PRKCE: variants seen among roughly 807,000 people sequenced by gnomAD.
PRKCE encodes protein kinase C epsilon, also known as protein kinase C epsilon type.
Under a neutral mutation model 85.4 loss-of-function variants are expected in PRKCE, and 16 were observed. The ratio of observed to expected loss-of-function variants is 0.19; its 90% confidence interval spans 0.13 to 0.28. The LOEUF (loss-of-function observed/expected upper bound fraction) is 0.28, where lower values mean the gene tolerates loss of function less well. PRKCE is among the 10% of genes least tolerant of loss of function. PRKCE has a pLI of 1.00. For synonymous variants in PRKCE, 388 were observed against 371.5 expected (o/e 1.04, Z -0.51); for missense variants, 573 against 975.2 (o/e 0.59, Z 5.49).
intron 10 of PRKCE, among the ~76,000 whole-genome samples, chr2:46,056,241 C>CT (rs796683208): frequency 0.16 from 22,595 of 143,956 alleles, 2,936 homozygotes; most frequent in African/African-American, 0.36. Flanking sequence ...GTTCTTGAAC[C>CT]TTTTTTTTTT....
At position 45,943,540 on chromosome 2, in the gene PRKCE, G is replaced by C. The variant is rs116817694; in HGVS notation, c.413-32889G>C. Among the ~76,000 whole-genome samples, 889 of 152,322 alleles carry C rather than the reference G, an allele frequency of 5.8e-3. 1 individual carries two copies. Among genetic ancestry groups the C allele is most frequent in the Non-Finnish European group, 9.7e-3 (659 of 68,020 alleles). On this transcript the variant is annotated intron_variant, in intron 2 of 14. Coordinates refer to ENST00000306156, the MANE Select transcript of PRKCE (RefSeq NM_005400.3). Reference sequence around the variant, plus strand: ...AGATTAACTATTTTTCTCCCACAAAGACTCAAAATGGTTGAGGTTACACAT... The same window carrying C: ...AGATTAACTATTTTTCTCCCACAAACACTCAAAATGGTTGAGGTTACACAT...
At chr2:46,010,935 T>C in intron 10 of PRKCE, 1 of 1,423,190 alleles carries the variant, frequency 7.0e-7, no homozygotes, top group Non-Finnish European at 9.1e-7. Context: ...CTGTGTAATG[T>C]CATCTGAAAT....
chr2:45,868,297 C>T (rs1573674313), intron 2 of PRKCE, among the ~76,000 whole-genome samples: 1 of 53,838 alleles, frequency 1.9e-5, no homozygotes, highest in Non-Finnish European at 3.4e-5. Context: ...AAGTCTCAAA[C>T]ACCAAAATCC....
In PRKCE at chr2:45,672,246, GCATCCATCCATC is replaced by G. The variant is rs57355156; in HGVS notation, c.348+19821_348+19832del. Among the ~76,000 whole-genome samples the G allele has an allele frequency of 4.6e-3, 693 of 150,526 alleles. 6 individuals carry two copies. The highest frequency in any genetic ancestry group is 0.016 in the African/African-American group (657 of 40,986). ...TCTCTACATCCATCCATCTGTCTAT[GCATCCATCCATC>G]CATCCATCCATCCATCCATCCACCC... On this transcript the variant is annotated intron_variant, in intron 1 of 14. Transcript: ENST00000306156.
chr2:45,802,375 T>C (rs1257240363), intron 1 of PRKCE, among the ~76,000 whole-genome samples: 1 of 152,234 alleles, frequency 6.6e-6, no homozygotes, highest in Non-Finnish European at 1.5e-5. Flanking sequence ...AGGTAGGCTA[T>C]TATATTTTAT....
chr2:45,745,661 C>A (rs1002632050), intron 1 of PRKCE, among the ~76,000 whole-genome samples: 2 of 152,104 alleles, frequency 1.3e-5, no homozygotes, highest in African/African-American at 4.8e-5. Flanking sequence ...TGGCATCTGG[C>A]GGCTAATGAG....
At chr2:46,085,672 C>T (rs1056777561) in intron 10 of PRKCE, among the ~76,000 whole-genome samples, 2 of 131,832 alleles carry the variant, frequency 1.5e-5, no homozygotes, top group Non-Finnish European at 3.2e-5. Context: ...TTAAGACCCA[C>T]GCTGGTAATC....
intron 2 of PRKCE, among the ~76,000 whole-genome samples, chr2:45,958,044 T>C (rs1701091779): frequency 6.6e-6 from 1 of 151,566 alleles, no homozygotes; most frequent in Admixed American, 6.6e-5. Flanking sequence ...CAGCAGTGTA[T>C]GTTTGAGCAT....
intron 1 of PRKCE, among the ~76,000 whole-genome samples, chr2:45,832,685 C>T (rs1690532885): frequency 6.6e-6 from 1 of 152,162 alleles, no homozygotes; most frequent in African/African-American, 2.4e-5. Context: ...ACAGATCTCC[C>T]AGAGCTCAGG....
chr2:46,061,963 A>G (rs977666937), intron 10 of PRKCE, among the ~76,000 whole-genome samples: 3 of 150,156 alleles, frequency 2.0e-5, no homozygotes, highest in Non-Finnish European at 2.9e-5. Flanking sequence ...TTCGGGTTCA[A>G]GAGATCCTAG....
At chr2:45,925,157 C>T (rs1698516745) in intron 2 of PRKCE, among the ~76,000 whole-genome samples, 1 of 152,126 alleles carries the variant, frequency 6.6e-6, no homozygotes, top group African/African-American at 2.4e-5. Context: ...GAGAACTGTT[C>T]TTGAGGATGT....
intron 1 of PRKCE, among the ~76,000 whole-genome samples, chr2:45,698,702 C>T (rs557318497): frequency 4.6e-5 from 7 of 152,248 alleles, no homozygotes; most frequent in South Asian, 4.1e-4. Flanking sequence ...TGTATCTGGG[C>T]CTGATTGCAA....
At chr2:45,864,272 C>T (rs755165790) in intron 2 of PRKCE, among the ~76,000 whole-genome samples, 3 of 152,260 alleles carry the variant, frequency 2.0e-5, no homozygotes, top group Admixed American at 6.5e-5. Flanking sequence ...GTTCTGGGAA[C>T]GCATTTTAAG....
chr2:45,908,756 G>A (rs1036078924), intron 2 of PRKCE, among the ~76,000 whole-genome samples: 8 of 152,196 alleles, frequency 5.3e-5, no homozygotes, highest in African/African-American at 1.9e-4. Flanking sequence ...TCCCACTGGG[G>A]CAATGTGGAG....
At chr2:45,687,429 T>C (rs538142726) in intron 1 of PRKCE, among the ~76,000 whole-genome samples, 6 of 152,288 alleles carry the variant, frequency 3.9e-5, no homozygotes, top group Non-Finnish European at 7.4e-5. Flanking sequence ...AAAACATTTA[T>C]TGTTGAAGGT....
intron 11 of PRKCE, among the ~76,000 whole-genome samples, chr2:46,101,511 A>G (rs1159978624): frequency 2.0e-5 from 3 of 152,180 alleles, no homozygotes; most frequent in African/African-American, 4.8e-5. Flanking sequence ...CTGTGGCTCT[A>G]CAGAATTTGT....
chr2:45,924,895 A>G (rs1437921935), intron 2 of PRKCE, among the ~76,000 whole-genome samples: 2 of 152,216 alleles, frequency 1.3e-5, no homozygotes, highest in Non-Finnish European at 2.9e-5. Flanking sequence ...CTTGCAGGAA[A>G]CAGCAGAGCT....
At chr2:45,762,924 G>A (rs1042601314) in intron 1 of PRKCE, among the ~76,000 whole-genome samples, 1 of 148,328 alleles carries the variant, frequency 6.7e-6, no homozygotes, top group African/African-American at 2.5e-5. Flanking sequence ...GTCTCTTGAG[G>A]TGTTCTTTCT....
At chr2:46,040,312 A>C (rs781436610) in intron 10 of PRKCE, among the ~76,000 whole-genome samples, 8 of 152,214 alleles carry the variant, frequency 5.3e-5, no homozygotes, top group Non-Finnish European at 1.0e-4. Flanking sequence ...AGTGGAAAGC[A>C]GGAATTGTGA....
Sources: gnomAD v4.1 joint callset for allele counts (sites outside exome capture counted in the v4.1 genomes callset) on GRCh38, gnomAD v4.1.1 for gene constraint, MANE v1.5 for transcripts, NCBI Gene and HGNC (gene_info 2026-07-23, HGNC 2026-07-21) for gene names.